The following UBR3 variants were observed in gnomAD, a reference collection of about 807,000 sequenced individuals.
UBR3 encodes the protein E3 ubiquitin-protein ligase UBR3.
UBR3 carries 85 observed loss-of-function variants against 243.2 expected under a neutral mutation model. The observed-to-expected ratio is 0.35, with a 90% CI of 0.29 to 0.42. The LOEUF (loss-of-function observed/expected upper bound fraction) is 0.42, where lower values mean the gene tolerates loss of function less well. Among genes scored for constraint, UBR3 ranks in the 10% least tolerant of loss-of-function variants. The pLI is 1.00. For synonymous variants in UBR3, 748 were observed against 799.8 expected, an observed-to-expected ratio of 0.94 and a Z score of 1.09; for missense variants, 1,686 against 2,300.8, an observed-to-expected ratio of 0.73 and a Z score of 5.47.
chr2:169,847,580 TAA>T (rs1322112645), intron 1 of UBR3, among the ~76,000 whole-genome samples: 1 of 152,144 alleles, frequency 6.6e-6, no homozygotes. Context: ...TCAACAATTT[TAA>T]AGAGATTTAA....
At position 170,061,167 on chromosome 2, in the gene UBR3, G is replaced by T; in HGVS notation, c.4874G>T (p.Gly1625Val). 6.3e-7 allele frequency: 1 copy of T among 1,596,726 alleles called. No individual in the cohort carries two copies. The highest frequency in any genetic ancestry group is 1.2e-5 in the South Asian group (1 of 86,234). Residue 1625 changes from glycine to valine, a missense_variant, in exon 34 of 39, where the codon GGA becomes GTA. Transcript: ENST00000272793. ...AAAGGAAAGTTATACCATGAAGAAG[G>T]AACTCAGGAATGTGCAATGGTATGT... The part of the protein sequence containing the change: ...LFKGKLYHEE[G>V]TQECAMVNPI...
intron 5 of UBR3, among the ~76,000 whole-genome samples, chr2:169,884,897 AGATT>A: frequency 6.6e-6 from 1 of 152,370 alleles, no homozygotes; most frequent in Admixed American, 6.5e-5. Context: ...AGAATAGAAT[AGATT>A]AAGGTGAAAA....
At chr2:169,861,835 A>G (rs2083103349) in intron 1 of UBR3, among the ~76,000 whole-genome samples, 1 of 152,160 alleles carries the variant, frequency 6.6e-6, no homozygotes, top group South Asian at 2.1e-4. Context: ...AACTCTAATG[A>G]TTTCACATTT....
At chr2:169,923,054 A>C (rs532712566) in intron 11 of UBR3, among the ~76,000 whole-genome samples, 1 of 152,312 alleles carries the variant, frequency 6.6e-6, no homozygotes, top group African/African-American at 2.4e-5. Flanking sequence ...TTCTTAACTC[A>C]TTTGTTTAAG....
At chr2:169,973,966 CCTT>C (rs1300616408) in intron 24 of UBR3, among the ~76,000 whole-genome samples, 1 of 152,068 alleles carries the variant, frequency 6.6e-6, no homozygotes, top group African/African-American at 2.4e-5. Context: ...TAATTTTTGT[CCTT>C]CATTGTGTTG....
chr2:169,986,032 G>C (rs554505030), intron 24 of UBR3, among the ~76,000 whole-genome samples: 60 of 151,940 alleles, frequency 3.9e-4, no homozygotes, highest in Middle Eastern at 6.8e-3. Flanking sequence ...TTTATTTTTT[G>C]CTATTAGTAA....
intron 19 of UBR3, among the ~76,000 whole-genome samples, chr2:169,936,278 C>T (rs992331603): frequency 9.9e-5 from 15 of 152,006 alleles, no homozygotes; most frequent in African/African-American, 2.9e-4. Context: ...AGTCTGGTCT[C>T]GAACTCCCGA....
intron 31 of UBR3, among the ~76,000 whole-genome samples, chr2:170,031,616 T>A (rs145732796): frequency 1.4e-3 from 209 of 152,248 alleles, no homozygotes; most frequent in African/African-American, 4.7e-3. Flanking sequence ...GGGGTGTGAT[T>A]GTTTTTATCA....
intron 5 of UBR3, among the ~76,000 whole-genome samples, chr2:169,881,393 G>T (rs1407644309): frequency 4.0e-5 from 6 of 151,852 alleles, no homozygotes; most frequent in African/African-American, 1.5e-4. Flanking sequence ...TGGTCAGGCT[G>T]GTGTTGAACT....
intron 35 of UBR3, among the ~76,000 whole-genome samples, chr2:170,068,707 G>A (rs2091633539): frequency 6.6e-6 from 1 of 152,230 alleles, no homozygotes; most frequent in South Asian, 2.1e-4. Context: ...CCAGATGACA[G>A]GAGCTCAGCT....
intron 24 of UBR3, among the ~76,000 whole-genome samples, chr2:169,963,725 C>A (rs1021182812): frequency 1.3e-5 from 2 of 152,110 alleles, no homozygotes; most frequent in Non-Finnish European, 2.9e-5. Context: ...AGGTTATACC[C>A]TTACAAGACT....
rs1553504582 is a variant in UBR3 at position 169,890,581 on chromosome 2, G to GTGTA, written c.1039-583_1039-582insGTAT. Among the ~76,000 whole-genome samples, 459 of 96,450 alleles carry GTGTA rather than the reference G, an allele frequency of 4.8e-3. 15 individuals are homozygous for GTGTA. Among genetic ancestry groups the GTGTA allele is most frequent in the African/African-American group, 0.021 (413 of 20,094 alleles). The allele number at this position is 96,450 out of a possible 152,430, so 63.3% of individuals were successfully genotyped here. A position where few individuals can be genotyped will look rare whatever the true frequency, so the allele number is the denominator to read the frequency against. On this transcript the variant is annotated intron_variant, in intron 5 of 38. Transcript: ENST00000272793. ...TATATATATGTGTATATATATATAT[G>GTGTA]TATATATATATGTATATATATGTAT...
At chr2:169,957,045 C>G (rs889492346) in intron 23 of UBR3, among the ~76,000 whole-genome samples, 2 of 152,140 alleles carry the variant, frequency 1.3e-5, no homozygotes, top group African/African-American at 4.8e-5. Context: ...AAAAATTTAT[C>G]TCTTCCGTGA....
intron 5 of UBR3, among the ~76,000 whole-genome samples, chr2:169,881,855 A>G (rs1469445742): frequency 7.3e-6 from 1 of 136,426 alleles, no homozygotes; most frequent in Non-Finnish European, 1.5e-5. Flanking sequence ...ACATATACGT[A>G]TATGTGTATA....
chr2:170,008,623 TAG>T (rs2089992745), intron 28 of UBR3, among the ~76,000 whole-genome samples, 179 bp from the exon 29 acceptor site: 1 of 152,142 alleles, frequency 6.6e-6, no homozygotes, highest in South Asian at 2.1e-4. Context: ...GATCACTGTT[TAG>T]AGAGTATTTT....
At chr2:169,978,507 T>C (rs1055566802) in intron 24 of UBR3, among the ~76,000 whole-genome samples, 1 of 151,806 alleles carries the variant, frequency 6.6e-6, no homozygotes, top group Non-Finnish European at 1.5e-5. Context: ...GCTCCTGAGG[T>C]TTGAGCCCAG....
At chr2:169,905,779 T>G (rs960275427) in intron 9 of UBR3, among the ~76,000 whole-genome samples, 4 of 152,238 alleles carry the variant, frequency 2.6e-5, no homozygotes, top group Admixed American at 2.6e-4. Flanking sequence ...TTTTTTTGAC[T>G]TTCTTATCAA....
intron 32 of UBR3, among the ~76,000 whole-genome samples, chr2:170,047,471 T>G (rs115731045): frequency 0.019 from 2,936 of 152,310 alleles, 49 homozygotes; most frequent in Middle Eastern, 0.031. Context: ...AAAATTTAAT[T>G]ACTTATATAT....
intron 24 of UBR3, among the ~76,000 whole-genome samples, chr2:169,967,188 T>C (rs1341531321): frequency 6.6e-6 from 1 of 152,034 alleles, no homozygotes; most frequent in Non-Finnish European, 1.5e-5. Flanking sequence ...TTTTGCATGC[T>C]CTTTACTATT....
Sources: gnomAD v4.1 joint callset for allele counts (sites outside exome capture counted in the v4.1 genomes callset) on GRCh38, gnomAD v4.1.1 for gene constraint, MANE v1.5 for transcripts, NCBI Gene and HGNC (gene_info 2026-07-23, HGNC 2026-07-21) for gene names.